USP3: variants seen among roughly 807,000 people sequenced by gnomAD.
USP3 encodes the protein ubiquitin specific peptidase 3.
Under a neutral mutation model 72.3 loss-of-function variants are expected in USP3, and 20 were observed. The ratio of observed to expected loss-of-function variants is 0.28; its 90% confidence interval spans 0.19 to 0.40. The LOEUF (loss-of-function observed/expected upper bound fraction) is 0.40, where lower values mean the gene tolerates loss of function less well. USP3 is among the 10% of genes least tolerant of loss of function. The pLI is 1.00. For missense variants in USP3, 479 were observed against 633.9 expected (o/e 0.76, Z 2.62); for synonymous variants, 222 against 225.3 (o/e 0.99, Z 0.13).
intron 4 of USP3, among the ~76,000 whole-genome samples, chr15:63,554,984 A>G (rs55981922): frequency 2.9e-4 from 44 of 152,320 alleles, no homozygotes; most frequent in African/African-American, 1.0e-3. Flanking sequence ...AGATTCCTGA[A>G]GGAATGTATG....
chr15:63,525,501 G>A (rs1043630046), intron 1 of USP3, among the ~76,000 whole-genome samples: 2 of 152,252 alleles, frequency 1.3e-5, no homozygotes, highest in African/African-American at 4.8e-5. Flanking sequence ...GGACTGCCTG[G>A]GCACCTTGGC....
intron 3 of USP3, among the ~76,000 whole-genome samples, chr15:63,540,260 C>T (rs894260307): frequency 6.6e-6 from 1 of 152,298 alleles, no homozygotes; most frequent in East Asian, 1.9e-4. Context: ...ATGAAGTTAT[C>T]ACTGAACTCT....
chr15:63,544,151 T>C lies in USP3; in HGVS notation c.284+6995T>C, dbSNP rs1335062009. 2 of 149,708 alleles carry C rather than the reference T, an allele frequency of 1.3e-5. No individual in the cohort carries two copies. The highest frequency in any genetic ancestry group is 2.4e-5 in the African/African-American group (1 of 40,932). The allele number at this position is 149,708 out of a possible 1,614,324, so 9.3% of individuals were successfully genotyped here. On this transcript the variant is annotated intron_variant, in intron 3 of 14. Coordinates refer to ENST00000380324, the MANE Select transcript of USP3 (RefSeq NM_006537.4). The surrounding 1 kb of genome is among the most constrained non-coding windows in gnomAD (Gnocchi z 4.2). ...TCTCTAGCTCATTCTTTAAAAATTA[T>C]TCTTTTTTGTAATATATAATTTAGA...
chr15:63,525,601 C>T (rs1449151783), intron 1 of USP3, among the ~76,000 whole-genome samples: 2 of 152,152 alleles, frequency 1.3e-5, no homozygotes, highest in African/African-American at 2.4e-5. Flanking sequence ...AACTCCTCCC[C>T]CTAATAATTT....
intron 1 of USP3, among the ~76,000 whole-genome samples, chr15:63,513,209 C>T (rs1217914561): frequency 6.6e-6 from 1 of 152,140 alleles, no homozygotes; most frequent in African/African-American, 2.4e-5. Flanking sequence ...CCTGAAGACA[C>T]TTAATTTTAT....
chr15:63,531,536 C>T (rs1001472326), intron 1 of USP3, among the ~76,000 whole-genome samples: 20 of 152,152 alleles, frequency 1.3e-4, no homozygotes, highest in African/African-American at 3.4e-4. Flanking sequence ...TTTCAGTGTA[C>T]GCTGAAAGGG....
At chr15:63,590,573 T>C (rs557767758) in intron 14 of USP3, 88 bp from the exon 15 acceptor site, 400 of 1,257,274 alleles carry the variant, frequency 3.2e-4, no homozygotes, top group African/African-American at 1.3e-3. Flanking sequence ...TGTATTCTTA[T>C]TAAAATTTAA....
intron 3 of USP3, among the ~76,000 whole-genome samples, chr15:63,550,807 C>G (rs1350105761): frequency 6.6e-6 from 1 of 152,004 alleles, no homozygotes; most frequent in Non-Finnish European, 1.5e-5. Context: ...ATTTCCTTAA[C>G]TGAAATAATT....
chr15:63,540,868 A>C (rs1355568546), intron 3 of USP3, among the ~76,000 whole-genome samples: 1 of 152,226 alleles, frequency 6.6e-6, no homozygotes, highest in Admixed American at 6.5e-5. Flanking sequence ...AAGATTTCAC[A>C]CAAGAGCTAG....
chr15:63,505,573 C>T (rs2065701699), intron 1 of USP3, among the ~76,000 whole-genome samples: 1 of 152,188 alleles, frequency 6.6e-6, no homozygotes. Context: ...TTGGGATTCC[C>T]AGTTCCTGTG....
chr15:63,582,198 G>T (rs1444627140), intron 11 of USP3, among the ~76,000 whole-genome samples: 1 of 152,196 alleles, frequency 6.6e-6, no homozygotes, highest in African/African-American at 2.4e-5. Context: ...CACTCTGGGA[G>T]GCTAAGGATT....
Position 63,590,817 on chromosome 15 carries a change from T to G in USP3, c.1554T>G (p.Asp518Glu), listed in dbSNP as rs1199542250. ...YVEHQAKAGSDKL is the reference protein window; with the variant it reads ...YVEHQAKAGSEKL ...AACACCAGGCCAAAGCTGGATCGGATAAACTTTAATACCTCCTCCAAATCA... is the reference window on the plus strand; with the variant it reads ...AACACCAGGCCAAAGCTGGATCGGAGAAACTTTAATACCTCCTCCAAATCA... Residue 518 changes from aspartate to glutamate, a missense_variant, in exon 15 of 15, where the codon GAT becomes GAG. Coordinates refer to ENST00000380324, the MANE Select transcript of USP3 (RefSeq NM_006537.4). The G allele has an allele frequency of 2.5e-6, 4 of 1,611,886 alleles. No homozygotes were observed. Among genetic ancestry groups the G allele is most frequent in the Non-Finnish European group, 3.4e-6 (4 of 1,179,318 alleles).
At chr15:63,557,970 A>G (rs2066540745) in intron 5 of USP3, 136 bp from the exon 6 acceptor site, 1 of 734,414 alleles carries the variant, frequency 1.4e-6, no homozygotes, top group Non-Finnish European at 2.3e-6. Context: ...TTTGTTTGAA[A>G]TATTCATTGG....
chr15:63,522,120 C>G (rs910526524), intron 1 of USP3, among the ~76,000 whole-genome samples: 1 of 152,238 alleles, frequency 6.6e-6, no homozygotes, highest in African/African-American at 2.4e-5. Flanking sequence ...AGGCGATCCT[C>G]CTGCCTTGGC....
At position 63,588,020 on chromosome 15, in the gene USP3, T is replaced by A; in HGVS notation, c.1097-285T>A. The A allele has an allele frequency of 4.2e-6, 1 of 236,482 alleles. No homozygotes were observed. The highest frequency in any genetic ancestry group is 8.1e-6 in the Non-Finnish European group (1 of 123,012). The allele number at this position is 236,482 out of a possible 1,614,324, so 14.6% of individuals were successfully genotyped here. A position where few individuals can be genotyped will look rare whatever the true frequency, so the allele number is the denominator to read the frequency against. Reference sequence around the variant, plus strand: ...TTAAATTCATCAGGAAACCATTTTATCAGAATTATCCAGATGAATTATCAT... The same window carrying A: ...TTAAATTCATCAGGAAACCATTTTAACAGAATTATCCAGATGAATTATCAT... On this transcript the variant is annotated intron_variant, in intron 11 of 14. Transcript: ENST00000380324. The surrounding 1 kb of genome is among the most constrained non-coding windows in gnomAD (Gnocchi z 4.6).
At chr15:63,565,984 T>C (rs1353088182) in intron 8 of USP3, among the ~76,000 whole-genome samples, 5 of 152,212 alleles carry the variant, frequency 3.3e-5, no homozygotes, top group African/African-American at 1.2e-4. Flanking sequence ...GCTGTCTCTG[T>C]ATGTCATGTG....
intron 3 of USP3, among the ~76,000 whole-genome samples, chr15:63,541,349 T>A (rs972386436): frequency 1.3e-5 from 2 of 152,184 alleles, no homozygotes; most frequent in Admixed American, 6.5e-5. Flanking sequence ...AGATAATGAA[T>A]CATTTCCTAC....
intron 3 of USP3, among the ~76,000 whole-genome samples, chr15:63,548,699 C>A (rs1211087560): frequency 2.0e-5 from 3 of 151,910 alleles, no homozygotes; most frequent in Non-Finnish European, 4.4e-5. Context: ...AAATTGAGTT[C>A]TTTTTTCTTT....
chr15:63,579,967 G>C (rs1002801252), intron 11 of USP3, among the ~76,000 whole-genome samples: 1 of 152,156 alleles, frequency 6.6e-6, no homozygotes, highest in Non-Finnish European at 1.5e-5. Context: ...TTTGGAGGTA[G>C]TGATCACCAT....
Sources: allele counts gnomAD v4.1 joint callset (sites outside exome capture counted in the v4.1 genomes callset), GRCh38; gene constraint gnomAD v4.1.1; non-coding constraint Gnocchi (gnomAD v3.1); transcripts MANE v1.5; gene names NCBI Gene and HGNC (gene_info 2026-07-23, HGNC 2026-07-21).